KIF1B: variants seen among roughly 807,000 people sequenced by gnomAD.
KIF1B encodes the protein kinesin-like protein KIF1B.
Under a neutral mutation model 241.9 loss-of-function variants are expected in KIF1B, and 76 were observed. The observed-to-expected ratio is 0.31, with a 90% CI of 0.26 to 0.38. The LOEUF is 0.38. Among genes scored for constraint, KIF1B ranks in the 10% least tolerant of loss-of-function variants. The pLI, the probability that KIF1B is intolerant of heterozygous loss-of-function variation, is 1.00. For synonymous variants in KIF1B, 750 were observed against 796.7 expected (o/e 0.94, Z 0.99); for missense variants, 1,622 against 2,271.4 (o/e 0.71, Z 5.81).
intron 6 of KIF1B, 104 bp downstream of exon 6, chr1:10,267,662 T>A: frequency 9.2e-7 from 1 of 1,087,130 alleles, no homozygotes; most frequent in Non-Finnish European, 1.4e-6. Flanking sequence ...GAAAGTTGCT[T>A]TAATTGTGGA....
chr1:10,234,258 A>C (rs1647019810), intron 2 of KIF1B, among the ~76,000 whole-genome samples: 1 of 151,420 alleles, frequency 6.6e-6, no homozygotes. Context: ...TCCAGGCTGG[A>C]GTGCAGTGGT....
chr1:10,233,891 C>A (rs1380095770), intron 2 of KIF1B, among the ~76,000 whole-genome samples: 1 of 151,972 alleles, frequency 6.6e-6, no homozygotes, highest in African/African-American at 2.4e-5. Context: ...ATCCACCCGC[C>A]TCGGCCTCGC....
intron 2 of KIF1B, among the ~76,000 whole-genome samples, chr1:10,239,752 C>T (rs1422878094): frequency 2.0e-5 from 3 of 151,480 alleles, no homozygotes; most frequent in African/African-American, 4.9e-5. Flanking sequence ...AGACTACAGG[C>T]GCCCACCACC....
rs1183427368 is a variant in KIF1B, at chr1:10,303,222, A to G, written c.2115+5976A>G. The G allele has an allele frequency of 6.2e-7, 1 of 1,614,172 alleles. No homozygotes were observed. The highest frequency in any genetic ancestry group is 1.7e-5 in the Admixed American group (1 of 60,020). On this transcript the variant is annotated intron_variant, in intron 22 of 48. Coordinates refer to ENST00000676179, the MANE Select transcript of KIF1B (RefSeq NM_001365951.3). The surrounding 1 kb of genome is among the most constrained non-coding windows in gnomAD (Gnocchi z 5.2). Reference sequence around the variant, plus strand: ...AGAGGTCGTGTGAAGAGAGCTGGAAACTGATTACTTCTCTGAGAGAAAAGC... The same window carrying G: ...AGAGGTCGTGTGAAGAGAGCTGGAAGCTGATTACTTCTCTGAGAGAAAAGC...
intron 22 of KIF1B, among the ~76,000 whole-genome samples, chr1:10,318,728 G>A (rs1274981347): frequency 6.6e-6 from 1 of 152,070 alleles, no homozygotes; most frequent in Non-Finnish European, 1.5e-5. Flanking sequence ...TCTCAAAAAA[G>A]AAGGAGGAAA....
At chr1:10,290,542 C>T (rs1300497499) in intron 15 of KIF1B, among the ~76,000 whole-genome samples, 1 of 151,294 alleles carries the variant, frequency 6.6e-6, no homozygotes, top group Non-Finnish European at 1.5e-5. Context: ...AGTGCAGTGG[C>T]GCGATCTCGG....
At chr1:10,225,963 G>A (rs1646903464) in intron 1 of KIF1B, among the ~76,000 whole-genome samples, 1 of 152,090 alleles carries the variant, frequency 6.6e-6, no homozygotes, top group Non-Finnish European at 1.5e-5. Flanking sequence ...CAGATGAAAA[G>A]GGATAATTCA....
intron 22 of KIF1B, chr1:10,307,508 C>T (rs1001954261): frequency 1.6e-5 from 7 of 435,820 alleles, no homozygotes; most frequent in African/African-American, 6.4e-5. Flanking sequence ...CAGGGTTTCA[C>T]CACGTTGGTC....
At chr1:10,346,931 A>G (rs1395644653) in intron 35 of KIF1B, among the ~76,000 whole-genome samples, 2 of 152,150 alleles carry the variant, frequency 1.3e-5, no homozygotes, top group Non-Finnish European at 2.9e-5. Flanking sequence ...GCTCCACTCT[A>G]TTTGTGACAA....
At chr1:10,306,028 T>C in intron 22 of KIF1B, 4 of 1,049,344 alleles carry the variant, frequency 3.8e-6, no homozygotes, top group Non-Finnish European at 4.6e-6. Context: ...AGATTGTGAT[T>C]ATGTTTTTTT....
At position 10,352,872 on chromosome 1, in the gene KIF1B, C is replaced by T. The variant is rs184227201; in HGVS notation, c.4055+136C>T. On this transcript the variant is annotated intron_variant, in intron 38 of 48. Coordinates refer to ENST00000676179, the MANE Select transcript of KIF1B (RefSeq NM_001365951.3). ...CCTTCTCCCTTCTAGCTTCAAAAAT[C>T]TCTTTATTTCTTCACCTGCCTGCTG... 115 of 678,200 alleles carry T rather than the reference C, an allele frequency of 1.7e-4. No homozygotes were observed. The Admixed American group carries it at 2.3e-3, about 14-fold the overall frequency. 42.0% of individuals were successfully genotyped at this position (678,200 alleles called of 1,614,324 possible). A position where few individuals can be genotyped will look rare whatever the true frequency, so the allele number is the denominator to read the frequency against.
chr1:10,295,462 A>C (rs1379329123), intron 18 of KIF1B, among the ~76,000 whole-genome samples, 198 bp from the exon 19 acceptor site: 2 of 152,148 alleles, frequency 1.3e-5, no homozygotes, highest in African/African-American at 4.8e-5. Context: ...TTGGTATATC[A>C]GTGCTCCTTG....
In KIF1B at chr1:10,342,149, C is replaced by G; in HGVS notation, c.3613C>G (p.Gln1205Glu). ...TTATCAGCAGCACCCACTTCATCTG[C>G]AAGGACAGGAGCTTAACAGGTTTGG... ...GHYQQHPLHL[Q>E]GQELNSPPQP... The change falls in exon 33 of 49, where the codon CAA becomes GAA. Residue 1205 changes from glutamine (Q) to glutamate (E), a missense_variant. Physicochemically the swap from Gln to Glu is conservative, Grantham distance 29. This residue lies in a region of KIF1B where 803 missense variants were observed against 1,112.0 expected (regional missense o/e 0.72). Coordinates refer to ENST00000676179, the MANE Select transcript of KIF1B (RefSeq NM_001365951.3). The G allele has an allele frequency of 6.2e-7, 1 of 1,608,538 alleles. No homozygotes were observed. The highest frequency in any genetic ancestry group is 8.5e-7 in the Non-Finnish European group (1 of 1,174,922).
At chr1:10,222,217 C>T (rs947892181) in intron 1 of KIF1B, among the ~76,000 whole-genome samples, 2 of 152,156 alleles carry the variant, frequency 1.3e-5, no homozygotes, top group Admixed American at 1.3e-4. Context: ...GCATCCTGCT[C>T]CATGGTCTCA....
chr1:10,267,510 C>T lies in KIF1B; in HGVS notation c.560C>T (p.Thr187Ile), dbSNP rs1648532935. ...GAGGATCTGTCCAAGTTGGCAGTTA[C>T]TTCCTACACAGACATTGCTGACCTC... is the stretch of plus-strand genomic sequence containing the variant. Reference protein sequence around the residue: ...YVEDLSKLAVTSYTDIADLMD... With the variant: ...YVEDLSKLAVISYTDIADLMD... Residue 187 changes from threonine (T) to isoleucine (I), a missense_variant, in exon 6 of 49, where the codon ACT becomes ATT. Transcript: ENST00000676179. The T allele has an allele frequency of 1.9e-6, 3 of 1,614,064 alleles. No individual in the cohort carries two copies. The highest frequency in any genetic ancestry group is 2.5e-6 in the Non-Finnish European group (3 of 1,180,014).
intron 1 of KIF1B, chr1:10,230,702 C>T (rs1646969069): frequency 6.6e-6 from 1 of 152,166 alleles, no homozygotes; most frequent in Non-Finnish European, 1.5e-5. Flanking sequence ...TCCCAAAGTG[C>T]TGGGATTACA....
intron 2 of KIF1B, among the ~76,000 whole-genome samples, chr1:10,241,154 G>A (rs1003206520): frequency 6.6e-6 from 1 of 152,004 alleles, no homozygotes; most frequent in Non-Finnish European, 1.5e-5. Context: ...GCTCTGTTGC[G>A]CAGACTGAAT....
chr1:10,272,322 CATT>C lies in KIF1B; in HGVS notation c.864+19_864+21del. 1 of 1,504,416 alleles carries C rather than the reference CATT, an allele frequency of 6.6e-7. No homozygotes were observed. The highest frequency in any genetic ancestry group is 1.4e-5 in the African/African-American group (1 of 72,872). 93.2% of individuals were successfully genotyped at this position (1,504,416 alleles called of 1,614,324 possible). ...GGCCGAGGTGGTAAGTTTTATACTT[CATT>C]ATAAGGGGAGTTGTGTCTGTTCAGC... On this transcript the variant is annotated intron_variant, in intron 9 of 48. Transcript: ENST00000676179.
rs1431811278 is a variant in KIF1B at position 10,371,170 on chromosome 1, T to A, written c.4854T>A (p.Asp1618Glu). Residue 1618 changes from aspartate to glutamate, a missense_variant, in exon 45 of 49, where the codon GAT (aspartate) becomes GAA (glutamate). Physicochemically the swap from Asp to Glu is conservative, Grantham distance 45. Transcript: ENST00000676179. ...KLSDISPIGR[D>E]PSESSFSSAT... ...CTGATATCTCTCCAATTGGACGGGA[T>A]CCCTCTGAGTCCAGTTTCAGCAGTG... 1.2e-6 allele frequency: 2 copies of A among 1,613,998 alleles called. No homozygotes were observed. Among genetic ancestry groups the A allele is most frequent in the African/African-American group, 1.3e-5 (1 of 74,904 alleles).
Sources: gnomAD v4.1 joint callset for allele counts (sites outside exome capture counted in the v4.1 genomes callset) on GRCh38, gnomAD v4.1.1 for gene constraint, gnomAD v4.1.1 regional missense constraint, Gnocchi (gnomAD v3.1) non-coding constraint, MANE v1.5 for transcripts, NCBI Gene and HGNC (gene_info 2026-07-23, HGNC 2026-07-21) for gene names.